NECTIN1: variants seen among roughly 807,000 people sequenced by gnomAD.
The protein encoded by NECTIN1 is nectin-1.
In NECTIN1, 23 loss-of-function variants were observed where a neutral mutation model predicts 48.0. That is an observed-to-expected ratio of 0.48 (90% CI 0.34 to 0.68). The LOEUF (loss-of-function observed/expected upper bound fraction) is 0.68, where lower values mean the gene tolerates loss of function less well. NECTIN1 is among the 30% of genes least tolerant of loss of function. The pLI is 0.01. For missense variants in NECTIN1, 591 were observed against 709.9 expected, an observed-to-expected ratio of 0.83 and a Z score of 1.90; for synonymous variants, 270 against 288.9, an observed-to-expected ratio of 0.93 and a Z score of 0.66.
intron 5 of NECTIN1, among the ~76,000 whole-genome samples, chr11:119,645,359 G>T (rs1424268150): frequency 6.6e-6 from 1 of 152,150 alleles, no homozygotes; most frequent in East Asian, 1.9e-4. Context: ...GACTCCAGCG[G>T]TCTCACTGCT....
In NECTIN1 at chr11:119,661,034, C is replaced by G. The variant is rs1007281374; in HGVS notation, c.*3713G>C. The G allele has an allele frequency of 1.0e-6, 1 of 980,968 alleles. No individual in the cohort carries two copies. The highest frequency in any genetic ancestry group is 1.8e-5 in the African/African-American group (1 of 57,040). 60.8% of individuals were successfully genotyped at this position (980,968 alleles called of 1,614,324 possible). The stretch of plus-strand genomic sequence containing the variant: ...ATTTATAAAAAAGTACATTTTTAAT[C>G]CTCAGTACATTTTCAACCCATCATT... On this transcript the variant is annotated 3_prime_UTR_variant, in exon 6 of 6. Coordinates refer to ENST00000264025, the MANE Select transcript of NECTIN1 (RefSeq NM_002855.5).
chr11:119,728,693 GCGGGGTGGGCT>G lies in NECTIN1; in HGVS notation c.-151_-141del. On this transcript the variant is annotated 5_prime_UTR_variant, in exon 1 of 6. Transcript: ENST00000264025. ...AGGTCAGCTGCAGCCGTCGGCCGGG[GCGGGGTGGGCT>G]GGGTGGGATCCGCGCGGCCGCAGTC... is the stretch of plus-strand genomic sequence containing the variant. The G allele has an allele frequency of 4.3e-6, 2 of 463,098 alleles. No individual in the cohort carries two copies. The highest frequency in any genetic ancestry group is 3.6e-5 in the East Asian group (1 of 27,562). The allele number at this position is 463,098 out of a possible 1,614,324, so 28.7% of individuals were successfully genotyped here. A position where few individuals can be genotyped will look rare whatever the true frequency, so the allele number is the denominator to read the frequency against.
At chr11:119,719,526 G>A (rs1051737281) in intron 1 of NECTIN1, among the ~76,000 whole-genome samples, 1 of 152,228 alleles carries the variant, frequency 6.6e-6, no homozygotes, top group Non-Finnish European at 1.5e-5. Context: ...TAAAACTGGG[G>A]AGAACAGAAG....
intron 1 of NECTIN1, among the ~76,000 whole-genome samples, chr11:119,719,218 A>G (rs1398340619): frequency 2.0e-5 from 3 of 152,220 alleles, no homozygotes; most frequent in South Asian, 4.1e-4. Context: ...GGCATGGACA[A>G]CTACAACACC....
chr11:119,640,159 TAGGAGGGGCTCCC>T (rs1409214549), intron 5 of NECTIN1: 33 of 865,510 alleles, frequency 3.8e-5, no homozygotes, highest in Non-Finnish European at 2.0e-5. Flanking sequence ...GCTCCAGTTC[TAGGAGGGGCTCCC>T]AGCCGGTGTG....
chr11:119,651,326 T>C (rs1426338538), intron 5 of NECTIN1, among the ~76,000 whole-genome samples: 3 of 152,146 alleles, frequency 2.0e-5, no homozygotes, highest in Non-Finnish European at 1.5e-5. Context: ...AAGAGTATCA[T>C]GTGAGAGACC....
At chr11:119,639,163 G>T (rs1864283928) in intron 6 of NECTIN1, among the ~76,000 whole-genome samples, 1 of 152,022 alleles carries the variant, frequency 6.6e-6, no homozygotes, top group Non-Finnish European at 1.5e-5. Context: ...TGCACGGTAT[G>T]CGGCACCGAC....
intron 5 of NECTIN1, among the ~76,000 whole-genome samples, chr11:119,652,249 A>T (rs1321947266): frequency 6.6e-6 from 1 of 152,118 alleles, no homozygotes; most frequent in Non-Finnish European, 1.5e-5. Context: ...GGTCACCATG[A>T]CACCTCGAGG....
At position 119,665,142 on chromosome 11, in the gene NECTIN1, C is replaced by T. The variant is rs1864741144; in HGVS notation, c.1159G>A (p.Gly387Ser). 1.2e-6 allele frequency: 2 copies of T among 1,613,930 alleles called. No homozygotes were observed. The highest frequency in any genetic ancestry group is 1.1e-5 in the South Asian group (1 of 91,084). ...ACGTGCTTCTTGGTGCTGTAGTCAC[C>T]CTTGAAGGTGTGCCGGCGCCGACGC... ...ALRRRRHTFK[G>S]DYSTKKHVYG... is the part of the protein sequence containing the mutation. The change falls in exon 6 of 6, where the codon GGT becomes AGT. Residue 387 changes from glycine to serine, a missense_variant. By Grantham distance (56) the Gly-to-Ser change is moderately conservative. Transcript: ENST00000264025. The surrounding 1 kb of genome is among the most constrained non-coding windows in gnomAD (Gnocchi z 5.1).
At chr11:119,652,028 C>T (rs370852947) in intron 5 of NECTIN1, among the ~76,000 whole-genome samples, 5 of 152,148 alleles carry the variant, frequency 3.3e-5, no homozygotes, top group African/African-American at 9.7e-5. Context: ...CCAGGCCTCT[C>T]GCCAGCATAT....
chr11:119,687,566 G>A (rs138632907), intron 1 of NECTIN1, among the ~76,000 whole-genome samples: 119 of 152,224 alleles, frequency 7.8e-4, no homozygotes, highest in Non-Finnish European at 1.0e-3. Flanking sequence ...GATTTCCCTC[G>A]GCAAGTGTGC....
At chr11:119,716,816 C>T (rs548562297) in intron 1 of NECTIN1, among the ~76,000 whole-genome samples, 4 of 152,226 alleles carry the variant, frequency 2.6e-5, no homozygotes, top group African/African-American at 9.6e-5. Flanking sequence ...GAGAAGATGG[C>T]GATCAGAGTC....
At position 119,728,467 on chromosome 11, in the gene NECTIN1, G is replaced by A. The variant is rs777972082; in HGVS notation, c.79+8C>T. On this transcript the variant is annotated splice_region_variant and intron_variant, in intron 1 of 5. Transcript: ENST00000264025. ...GGGGGTGGGGACAGCAGAGGTGAGC[G>A]CTCTTACCTGGGAGGAAGAATGCGG... The A allele has an allele frequency of 4.4e-6, 7 of 1,598,012 alleles. No homozygotes were observed. The highest frequency in any genetic ancestry group is 6.0e-6 in the Non-Finnish European group (7 of 1,173,740).
chr11:119,676,625 G>A (rs1045744996), intron 4 of NECTIN1, among the ~76,000 whole-genome samples: 8 of 152,232 alleles, frequency 5.3e-5, no homozygotes, highest in African/African-American at 7.2e-5. Flanking sequence ...CGCAGGGCAC[G>A]TGCTCCATGA....
rs189692472 is a variant in NECTIN1 at position 119,720,389 on chromosome 11, G to A, written c.79+8086C>T. Among the ~76,000 whole-genome samples, 143 of 152,372 alleles carry A rather than the reference G, an allele frequency of 9.4e-4. 1 individual carries two copies. Among genetic ancestry groups the A allele is most frequent in the African/African-American group, 3.2e-3 (135 of 41,598 alleles). On this transcript the variant is annotated intron_variant, in intron 1 of 5. Coordinates refer to ENST00000264025, the MANE Select transcript of NECTIN1 (RefSeq NM_002855.5). ...TCACAGGGGCACTCCACGAGCCCACGCAATCCTTCAGTCCCCCTTCCTCCA... is the reference window on the plus strand; with the variant it reads ...TCACAGGGGCACTCCACGAGCCCACACAATCCTTCAGTCCCCCTTCCTCCA...
downstream of NECTIN1, among the ~76,000 whole-genome samples, chr11:119,656,915 T>C (rs910614546): frequency 1.3e-5 from 2 of 152,208 alleles, no homozygotes; most frequent in Non-Finnish European, 2.9e-5. Context: ...ACCTCCAGCC[T>C]GGGCTCTTTC....
chr11:119,663,346 C>A lies in NECTIN1; in HGVS notation c.*1401G>T. 1 of 985,326 alleles carries A rather than the reference C, an allele frequency of 1.0e-6. No homozygotes were observed. The highest frequency in any genetic ancestry group is 1.2e-6 in the Non-Finnish European group (1 of 829,904). 61.0% of individuals were successfully genotyped at this position (985,326 alleles called of 1,614,324 possible). A position where few individuals can be genotyped will look rare whatever the true frequency, so the allele number is the denominator to read the frequency against. ...TCCTCCATTATATACATGGGAAGAC[C>A]CAGTCTGGGGTGGCTGATAGGAACT... On this transcript the variant is annotated 3_prime_UTR_variant, in exon 6 of 6. Coordinates refer to ENST00000264025, the MANE Select transcript of NECTIN1 (RefSeq NM_002855.5).
chr11:119,650,130 G>T (rs1864467659), intron 5 of NECTIN1, among the ~76,000 whole-genome samples: 1 of 152,152 alleles, frequency 6.6e-6, no homozygotes, highest in Non-Finnish European at 1.5e-5. Context: ...TTTGAGCCAG[G>T]ATGAGCCAGG....
At chr11:119,671,832 C>T (rs972824491) in intron 5 of NECTIN1, among the ~76,000 whole-genome samples, 4 of 152,198 alleles carry the variant, frequency 2.6e-5, no homozygotes, top group Admixed American at 6.5e-5. Flanking sequence ...CCCAGAGGCA[C>T]GGATGCAGCT....
Sources: allele counts gnomAD v4.1 joint callset (sites outside exome capture counted in the v4.1 genomes callset), GRCh38; gene constraint gnomAD v4.1.1; non-coding constraint Gnocchi (gnomAD v3.1); transcripts MANE v1.5; gene names NCBI Gene and HGNC (gene_info 2026-07-23, HGNC 2026-07-21).